The following CHD1 variants were observed in gnomAD, a reference collection of about 807,000 sequenced individuals.
CHD1 encodes ATP-dependent chromatin remodeler CHD1.
CHD1 carries 36 observed loss-of-function variants against 224.2 expected under a neutral mutation model. The ratio of observed to expected loss-of-function variants is 0.16; its 90% CI spans 0.12 to 0.21. The LOEUF is 0.21. Among genes scored for constraint, CHD1 ranks in the 10% least tolerant of loss-of-function variants. The pLI is 1.00. For synonymous variants in CHD1, 668 were observed against 658.3 expected, an observed-to-expected ratio of 1.01 and a Z score of -0.23; for missense variants, 1,378 against 1,994.8, an observed-to-expected ratio of 0.69 and a Z score of 5.89.
At chr5:98,858,664 C>T in intron 34 of CHD1, 1 of 423,804 alleles carries the variant, frequency 2.4e-6, no homozygotes, top group Non-Finnish European at 4.2e-6. Context: ...AGAAAGAATG[C>T]ATTACTATTC....
In CHD1 at chr5:98,901,204, C is replaced by A; in HGVS notation, c.569G>T (p.Ser190Ile). The A allele has an allele frequency of 6.2e-7, 1 of 1,611,992 alleles. No individual in the cohort carries two copies. Among genetic ancestry groups the A allele is most frequent in the Non-Finnish European group, 8.5e-7 (1 of 1,179,388 alleles). Reference protein sequence around the residue: ...SDYEPKNKVKSRKPQNRSKSK... With the variant: ...SDYEPKNKVKIRKPQNRSKSK... ...ACCATACCTATTTTGAGGTTTTCTG[C>A]TTTTGACTTTGTTTTTTGGCTCATA... The change falls in exon 6 of 36, where the codon AGC becomes ATC. Residue 190 changes from serine (S) to isoleucine (I), a missense_variant. This residue lies in a region of CHD1 where 306 missense variants were observed against 298.1 expected (regional missense o/e 1.03). Transcript: ENST00000614616.
chr5:98,903,484 A>G (rs1182483458), intron 4 of CHD1, among the ~76,000 whole-genome samples: 1 of 151,440 alleles, frequency 6.6e-6, no homozygotes, highest in East Asian at 1.9e-4. Context: ...TCATTCATAC[A>G]TGTATATGCG....
Position 98,869,891 on chromosome 5 carries a change from C to T in CHD1, c.3979-9G>A, listed in dbSNP as rs1312519436. ...CTCCTCTTTGAACTTCCCTAAAAAT[C>T]ATTATTTTAATTTTAACCAATTCTA... On this transcript the variant is annotated splice_polypyrimidine_tract_variant and intron_variant, in intron 29 of 35. Coordinates refer to ENST00000614616, the MANE Select transcript of CHD1 (RefSeq NM_001270.4). The T allele has an allele frequency of 1.3e-6, 2 of 1,578,780 alleles. No individual in the cohort carries two copies. Among genetic ancestry groups the T allele is most frequent in the Non-Finnish European group, 1.7e-6 (2 of 1,156,058 alleles).
Position 98,889,229 on chromosome 5 carries a change from T to C in CHD1, c.2190A>G (p.Leu730=), listed in dbSNP as rs1580437098. 1 of 1,569,218 alleles carries C rather than the reference T, an allele frequency of 6.4e-7. No homozygotes were observed. The highest frequency in any genetic ancestry group is 8.6e-7 in the Non-Finnish European group (1 of 1,163,658). Residue 730 remains leucine (L), a synonymous_variant, in exon 16 of 36, where the codon TTA becomes TTG. Coordinates refer to ENST00000614616, the MANE Select transcript of CHD1 (RefSeq NM_001270.4). ...ALQKQYYKWI[L]TRNYKALSKG... is the part of the protein sequence containing the mutation. ...TGCTGAGGGCTTTGTAATTCCTAGT[T>C]AAAATCCATCTTAAAAAAAAAAATT...
intron 24 of CHD1, 73 bp from the exon 25 acceptor site, chr5:98,875,186 C>A: frequency 1.2e-6 from 1 of 839,292 alleles, no homozygotes; most frequent in Non-Finnish European, 1.9e-6. Context: ...CTGATATTTA[C>A]AGATATAAGA....
At position 98,889,129 on chromosome 5, in the gene CHD1, G is replaced by T; in HGVS notation, c.2290C>A (p.Leu764Ile). Residue 764 changes from leucine (L) to isoleucine (I), a missense_variant, in exon 16 of 36, where the codon CTC (leucine) becomes ATC (isoleucine). Coordinates refer to ENST00000614616, the MANE Select transcript of CHD1 (RefSeq NM_001270.4). ...ELKKCCNHCY[L>I]IKPPDNNEFY... ...TCATTATTATCTGGTGGTTTAATGA[G>T]GTAGCAATGGTTACAACATTTCTTT... 6.2e-7 allele frequency: 1 copy of T among 1,604,126 alleles called. No homozygotes were observed. Among genetic ancestry groups the T allele is most frequent in the Non-Finnish European group, 8.5e-7 (1 of 1,171,520 alleles).
At chr5:98,905,299 T>C (rs538991593) in intron 2 of CHD1, among the ~76,000 whole-genome samples, 1 of 150,580 alleles carries the variant, frequency 6.6e-6, no homozygotes, top group East Asian at 1.9e-4. Flanking sequence ...ACGTGATAGA[T>C]TATTACATAC....
At chr5:98,866,114 CAAAAACAAAAACA>C (rs1028782126) in intron 31 of CHD1, among the ~76,000 whole-genome samples, 24 of 151,258 alleles carry the variant, frequency 1.6e-4, no homozygotes, top group African/African-American at 1.9e-4. Context: ...AGGTAAAAAA[CAAAAACAAAAACA>C]AAAAACAAAA....
At chr5:98,911,496 A>T (rs984045862) in intron 2 of CHD1, among the ~76,000 whole-genome samples, 4 of 152,126 alleles carry the variant, frequency 2.6e-5, no homozygotes, top group African/African-American at 4.8e-5. Context: ...GCTGAGTAGG[A>T]TAATTTACAT....
At chr5:98,861,441 G>A (rs1405496586) in intron 32 of CHD1, among the ~76,000 whole-genome samples, 2 of 152,060 alleles carry the variant, frequency 1.3e-5, no homozygotes, top group Non-Finnish European at 2.9e-5. Flanking sequence ...GAAAAAAATT[G>A]TAAGCAAAAA....
chr5:98,858,567 A>C, intron 34 of CHD1, 177 bp from the exon 35 acceptor site: 1 of 549,382 alleles, frequency 1.8e-6, no homozygotes, highest in Non-Finnish European at 3.2e-6. Flanking sequence ...ATTAATTAAA[A>C]AAGGTTGCTT....
chr5:98,924,574 G>A (rs1753323319), intron 2 of CHD1, among the ~76,000 whole-genome samples: 2 of 152,190 alleles, frequency 1.3e-5, no homozygotes, highest in East Asian at 1.9e-4. Flanking sequence ...AAGTAATAAT[G>A]CTGCTTTCCA....
At chr5:98,905,242 T>C in intron 2 of CHD1, 144 bp from the exon 3 acceptor site, 2 of 933,068 alleles carry the variant, frequency 2.1e-6, no homozygotes, top group Non-Finnish European at 3.1e-6. Context: ...GAAAAAGGAA[T>C]TGATTTAATC....
intron 31 of CHD1, among the ~76,000 whole-genome samples, chr5:98,865,773 T>C (rs944148139): frequency 6.6e-6 from 1 of 152,224 alleles, no homozygotes; most frequent in Non-Finnish European, 1.5e-5. Flanking sequence ...TAAAATCCTA[T>C]ACAGGCCAGA....
In CHD1 at chr5:98,873,731, A is replaced by G; in HGVS notation, c.3441-8T>C. The G allele has an allele frequency of 6.3e-7, 1 of 1,593,568 alleles. No individual in the cohort carries two copies. The highest frequency in any genetic ancestry group is 8.5e-7 in the Non-Finnish European group (1 of 1,173,476). The stretch of plus-strand genomic sequence containing the variant: ...CGAGCAATTGCATCTAATCTGTAAC[A>G]AAATAATCCAATTTTCAGGTAAATA... On this transcript the variant is annotated splice_region_variant and splice_polypyrimidine_tract_variant and intron_variant, in intron 25 of 35. Transcript: ENST00000614616.
rs1749524096 is a variant in CHD1 at position 98,873,555 on chromosome 5, T to C, written c.3571+38A>G. ...AATAAAGCATATTTTGAAGCTTTCA[T>C]TTACTTCTCTTTTAAATCACTCTCA... On this transcript the variant is annotated intron_variant, in intron 26 of 35. Transcript: ENST00000614616. 2.0e-6 allele frequency: 3 copies of C among 1,498,938 alleles called. No individual in the cohort carries two copies. In the Admixed American group the frequency reaches 6.9e-5, roughly 35 times the overall value. The allele number at this position is 1,498,938 out of a possible 1,614,324, so 92.9% of individuals were successfully genotyped here.
intron 2 of CHD1, among the ~76,000 whole-genome samples, chr5:98,911,775 T>C (rs1459214194): frequency 1.3e-5 from 2 of 152,178 alleles, no homozygotes; most frequent in Non-Finnish European, 2.9e-5. Flanking sequence ...AAATATATTC[T>C]ATAAAATAAC....
intron 2 of CHD1, among the ~76,000 whole-genome samples, chr5:98,907,845 T>C (rs907768910): frequency 1.3e-5 from 2 of 152,086 alleles, no homozygotes; most frequent in African/African-American, 4.8e-5. Context: ...GAAATGAGTC[T>C]TCAGTTTTAG....
intron 2 of CHD1, among the ~76,000 whole-genome samples, chr5:98,919,259 C>T (rs1271022767): frequency 1.3e-5 from 2 of 152,104 alleles, no homozygotes; most frequent in Non-Finnish European, 2.9e-5. Flanking sequence ...CTTGTCAAAA[C>T]CCAAAGAACT....
Sources: gnomAD v4.1 joint callset for allele counts (sites outside exome capture counted in the v4.1 genomes callset) on GRCh38, gnomAD v4.1.1 for gene constraint, gnomAD v4.1.1 regional missense constraint, MANE v1.5 for transcripts, NCBI Gene and HGNC (gene_info 2026-07-23, HGNC 2026-07-21) for gene names.